The following IMMP2L variants were observed in gnomAD, a reference collection of about 807,000 sequenced individuals.
IMMP2L encodes mitochondrial inner membrane protease subunit 2.
In IMMP2L, 18 loss-of-function variants were observed where a neutral mutation model predicts 19.3. The observed-to-expected ratio is 0.93, with a 90% CI of 0.64 to 1.38. IMMP2L has a LOEUF of 1.38. Ranked by LOEUF, IMMP2L falls within the 40% of genes most tolerant of loss-of-function variation. The pLI is 0.00. For synonymous variants in IMMP2L, 76 were observed against 73.0 expected (o/e 1.04, Z -0.21); for missense variants, 233 against 218.2 (o/e 1.07, Z -0.43).
chr7:111,391,898 C>A, intron 3 of IMMP2L: 2 of 702,850 alleles, frequency 2.8e-6, no homozygotes, highest in Admixed American at 2.0e-5. Flanking sequence ...TAAAGGATGA[C>A]ATTGAGCACT....
intron 2 of IMMP2L, among the ~76,000 whole-genome samples, chr7:111,504,637 G>T (rs1189616043): frequency 1.3e-5 from 2 of 152,070 alleles, no homozygotes; most frequent in African/African-American, 4.8e-5. Context: ...TAGATTAATG[G>T]AACAGAACAG....
chr7:110,886,638 T>G lies in IMMP2L; in HGVS notation c.363A>C (p.Glu121Asp), dbSNP rs1320850431. Residue 121 changes from glutamate (E) to aspartate (D), a missense_variant, in exon 5 of 6, where the codon GAA (glutamate) becomes GAC (aspartate). Coordinates refer to ENST00000405709, the MANE Select transcript of IMMP2L (RefSeq NM_032549.4). ...CAAAACTGTGTCCATGATGATCACC[T>G]TCAACCCAGATGTGACCACGGGGGA... ...VKVPRGHIWV[E>D]GDHHGHSFDS... is the part of the protein sequence containing the mutation. The G allele has an allele frequency of 3.1e-6, 5 of 1,610,480 alleles. No individual in the cohort carries two copies. The highest frequency in any genetic ancestry group is 1.7e-5 in the Admixed American group (1 of 59,954).
chr7:111,269,257 C>G (rs1388925502), intron 3 of IMMP2L, among the ~76,000 whole-genome samples: 1 of 152,148 alleles, frequency 6.6e-6, no homozygotes, highest in East Asian at 1.9e-4. Flanking sequence ...AAATACCAGT[C>G]TTTTTCATAT....
At chr7:111,202,981 T>G (rs1352134711) in intron 3 of IMMP2L, among the ~76,000 whole-genome samples, 1 of 152,142 alleles carries the variant, frequency 6.6e-6, no homozygotes, top group Non-Finnish European at 1.5e-5. Context: ...CTATAAACAT[T>G]AATGGTTATG....
chr7:111,207,096 A>C (rs976991287), intron 3 of IMMP2L, among the ~76,000 whole-genome samples: 2 of 152,154 alleles, frequency 1.3e-5, no homozygotes, highest in African/African-American at 4.8e-5. Flanking sequence ...ACAATAGAAA[A>C]TTTTCCAGAG....
intron 3 of IMMP2L, among the ~76,000 whole-genome samples, chr7:111,170,784 A>G (rs1182915009): frequency 6.6e-6 from 1 of 151,762 alleles, no homozygotes; most frequent in East Asian, 1.9e-4. Flanking sequence ...TAGGAGGATC[A>G]TCGGCAGTTT....
At chr7:110,820,861 C>A (rs944874708) in intron 5 of IMMP2L, among the ~76,000 whole-genome samples, 1 of 152,000 alleles carries the variant, frequency 6.6e-6, no homozygotes, top group Non-Finnish European at 1.5e-5. Flanking sequence ...TTGAACACAC[C>A]TTTTCAACTT....
At chr7:111,149,334 A>C (rs1803824280) in intron 3 of IMMP2L, among the ~76,000 whole-genome samples, 1 of 152,184 alleles carries the variant, frequency 6.6e-6, no homozygotes, top group African/African-American at 2.4e-5. Context: ...ACACTGAAAG[A>C]TTCTTCATGA....
At chr7:111,174,843 C>T (rs1806861503) in intron 3 of IMMP2L, among the ~76,000 whole-genome samples, 1 of 151,698 alleles carries the variant, frequency 6.6e-6, no homozygotes, top group South Asian at 2.1e-4. Flanking sequence ...AAGAGATATA[C>T]ATATAACACT....
At chr7:111,488,304 T>A (rs1020571567) in intron 2 of IMMP2L, among the ~76,000 whole-genome samples, 1 of 152,172 alleles carries the variant, frequency 6.6e-6, no homozygotes, top group East Asian at 1.9e-4. Context: ...ACGTACACTG[T>A]ACCCAGTGTG....
chr7:111,073,902 A>T (rs1795168239), intron 3 of IMMP2L, among the ~76,000 whole-genome samples: 1 of 152,098 alleles, frequency 6.6e-6, no homozygotes, highest in African/African-American at 2.4e-5. Context: ...ATTTGGGATA[A>T]ATTGTTGCAT....
At chr7:110,766,448 C>T (rs759576782) in intron 5 of IMMP2L, among the ~76,000 whole-genome samples, 10 of 151,756 alleles carry the variant, frequency 6.6e-5, no homozygotes, top group East Asian at 3.9e-4. Flanking sequence ...ATATATTAGC[C>T]GGGCGTGGTG....
intron 3 of IMMP2L, among the ~76,000 whole-genome samples, chr7:111,010,038 G>A (rs1394987246): frequency 1.3e-5 from 2 of 152,056 alleles, no homozygotes; most frequent in African/African-American, 4.8e-5. Flanking sequence ...AGTCCTAATT[G>A]AACAGTTATG....
chr7:111,431,419 C>T (rs1836621732), intron 3 of IMMP2L, among the ~76,000 whole-genome samples: 1 of 151,826 alleles, frequency 6.6e-6, no homozygotes, highest in Non-Finnish European at 1.5e-5. Flanking sequence ...TTACACATTC[C>T]TTTTATTAAT....
intron 3 of IMMP2L, among the ~76,000 whole-genome samples, chr7:111,138,658 A>G (rs1205380365): frequency 6.6e-6 from 1 of 152,234 alleles, no homozygotes; most frequent in Non-Finnish European, 1.5e-5. Flanking sequence ...ATAGTCCTAC[A>G]AGAAAACAGA....
Position 110,727,967 on chromosome 7 carries a change from T to A in IMMP2L, c.409-64246A>T, listed in dbSNP as rs555710251. Among the ~76,000 whole-genome samples the A allele has an allele frequency of 3.9e-5, 6 of 152,350 alleles. No homozygotes were observed. Among genetic ancestry groups the A allele is most frequent in the African/African-American group, 1.4e-4 (6 of 41,594 alleles). On this transcript the variant is annotated intron_variant, in intron 5 of 5. Transcript: ENST00000405709. The surrounding 1 kb of genome is among the most constrained non-coding windows in gnomAD (Gnocchi z 4.3). Reference sequence around the variant, plus strand: ...CCCACACACATGTAATTCTGCTCACTTCTGTTAACATTGTAAAAGGCAGCA... The same window carrying A: ...CCCACACACATGTAATTCTGCTCACATCTGTTAACATTGTAAAAGGCAGCA...
intron 3 of IMMP2L, among the ~76,000 whole-genome samples, chr7:111,418,539 C>A (rs1835164703): frequency 6.6e-6 from 1 of 151,802 alleles, no homozygotes; most frequent in East Asian, 1.9e-4. Context: ...GCTCACACCT[C>A]ACTAGCACTA....
intron 3 of IMMP2L, among the ~76,000 whole-genome samples, chr7:111,196,445 T>C (rs1242361066): frequency 1.3e-5 from 2 of 152,164 alleles, no homozygotes; most frequent in East Asian, 1.9e-4. Context: ...TGTGGTATTT[T>C]CTCTAAAGCA....
intron 5 of IMMP2L, among the ~76,000 whole-genome samples, chr7:110,735,650 CAA>C (rs1287429801): frequency 2.4e-5 from 2 of 82,512 alleles, no homozygotes; most frequent in Non-Finnish European, 5.0e-5. Context: ...ATATATTAGA[CAA>C]ATATATATAT....
Sources: allele counts gnomAD v4.1 joint callset (sites outside exome capture counted in the v4.1 genomes callset), GRCh38; gene constraint gnomAD v4.1.1; non-coding constraint Gnocchi (gnomAD v3.1); transcripts MANE v1.5; gene names NCBI Gene and HGNC (gene_info 2026-07-23, HGNC 2026-07-21).